Variants in PTPN3 observed in about 807,000 individuals in gnomAD.
PTPN3 encodes protein tyrosine phosphatase non-receptor type 3.
In PTPN3, 96 loss-of-function variants were observed where a neutral mutation model predicts 132.7. The observed-to-expected ratio is 0.72, with a 90% CI of 0.61 to 0.86. The LOEUF (loss-of-function observed/expected upper bound fraction) is 0.86. Ranked by LOEUF, PTPN3 falls within the 40% of genes least tolerant of loss-of-function variation. PTPN3 has a pLI of 0.00. For synonymous variants in PTPN3, 398 were observed against 429.0 expected (o/e 0.93, Z 0.89); for missense variants, 1,125 against 1,159.6 (o/e 0.97, Z 0.43).
At chr9:109,469,926 T>C (rs1379445201) in intron 1 of PTPN3, among the ~76,000 whole-genome samples, 1 of 152,144 alleles carries the variant, frequency 6.6e-6, no homozygotes, top group Non-Finnish European at 1.5e-5. Flanking sequence ...TGCTTATCAC[T>C]TCCAGTTCAG....
At chr9:109,479,782 T>A (rs1846872782) in intron 1 of PTPN3, among the ~76,000 whole-genome samples, 1 of 152,238 alleles carries the variant, frequency 6.6e-6, no homozygotes, top group African/African-American at 2.4e-5. Flanking sequence ...TTTCGCCCTG[T>A]TGCCCAGGCT....
chr9:109,489,545 T>C (rs1241838479), intron 1 of PTPN3, among the ~76,000 whole-genome samples: 2 of 152,162 alleles, frequency 1.3e-5, no homozygotes, highest in Non-Finnish European at 2.9e-5. Context: ...CCGTCAGTCA[T>C]GTGCAATTAT....
chr9:109,381,661 C>A lies in PTPN3; in HGVS notation c.2655G>T (p.Val885=), dbSNP rs147200776. ...RKMRDQRAMM[V]QTSSQYKFVC... is the part of the protein sequence containing the mutation. Reference sequence around the variant, plus strand: ...CTGGATTTCTACTCACTGATGTCTGCACCATCATGGCGCGCTGGTCTCGCA... The same window carrying A: ...CTGGATTTCTACTCACTGATGTCTGAACCATCATGGCGCGCTGGTCTCGCA... The change falls in exon 25 of 26, where the codon GTG becomes GTT. Residue 885 remains valine (V), a synonymous_variant. Coordinates refer to ENST00000374541, the MANE Select transcript of PTPN3 (RefSeq NM_002829.4). 22 of 1,614,218 alleles carry A rather than the reference C, an allele frequency of 1.4e-5. No homozygotes were observed. Among genetic ancestry groups the A allele is most frequent in the Non-Finnish European group, 1.9e-5 (22 of 1,180,010 alleles).
Position 109,382,301 on chromosome 9 carries a change from C to A in PTPN3, c.2528+1G>T, listed in dbSNP as rs1471860608. On this transcript the variant is annotated splice_donor_variant, in intron 24 of 25. Coordinates refer to ENST00000374541, the MANE Select transcript of PTPN3 (RefSeq NM_002829.4). LOFTEE classifies it high-confidence loss of function. ...ACCTAACAAAACAGCAAGCGCCATA[C>A]CTGCAGTGAACTAGGACGGGCTCGC... is the stretch of plus-strand genomic sequence containing the variant. 6.2e-7 allele frequency: 1 copy of A among 1,613,636 alleles called. No homozygotes were observed. Among genetic ancestry groups the A allele is most frequent in the Non-Finnish European group, 8.5e-7 (1 of 1,179,804 alleles).
Position 109,382,454 on chromosome 9 carries a change from G to A in PTPN3, c.2383-7C>T, listed in dbSNP as rs1178471225. 1 of 1,613,948 alleles carries A rather than the reference G, an allele frequency of 6.2e-7. No homozygotes were observed. The highest frequency in any genetic ancestry group is 8.5e-7 in the Non-Finnish European group (1 of 1,180,006). On this transcript the variant is annotated splice_polypyrimidine_tract_variant and splice_region_variant and intron_variant, in intron 23 of 25. Coordinates refer to ENST00000374541, the MANE Select transcript of PTPN3 (RefSeq NM_002829.4). Reference sequence around the variant, plus strand: ...CTGTGTGTTCTTCCCCGGTCTGTGGGAGATGCAGTGGCCTTGGTGAGCCCA... The same window carrying A: ...CTGTGTGTTCTTCCCCGGTCTGTGGAAGATGCAGTGGCCTTGGTGAGCCCA...
Position 109,382,306 on chromosome 9 carries a change from AG to A in PTPN3, c.2523del (p.Cys842AlafsTer5). 1 of 1,613,956 alleles carries A rather than the reference AG, an allele frequency of 6.2e-7. No individual in the cohort carries two copies. The highest frequency in any genetic ancestry group is 8.5e-7 in the Non-Finnish European group (1 of 1,179,884). On this transcript the variant is annotated frameshift_variant, in exon 24 of 26. Coordinates refer to ENST00000374541, the MANE Select transcript of PTPN3 (RefSeq NM_002829.4). LOFTEE classifies it high-confidence loss of function. The stretch of plus-strand genomic sequence containing the variant: ...ACAAAACAGCAAGCGCCATACCTGC[AG>A]TGAACTAGGACGGGCTCGCTGTCCA... ...LRVDSEPVLV[H>X]CSAGIGRTGV...
intron 6 of PTPN3, 50 bp from the exon 7 acceptor site, chr9:109,445,342 T>C (rs1474674323): frequency 6.7e-7 from 1 of 1,493,958 alleles, no homozygotes; most frequent in Admixed American, 1.7e-5. Context: ...AACAACAGCC[T>C]TAAACATTGA....
chr9:109,531,591 G>A, the PTPN3 span, among the ~76,000 whole-genome samples: 10 of 152,276 alleles, frequency 6.6e-5, no homozygotes, highest in South Asian at 1.9e-3. Context: ...TTTAAAATGA[G>A]AATAATAACA....
chr9:109,391,090 C>T (rs191870646), intron 21 of PTPN3, 48 bp downstream of exon 21: 127 of 1,550,734 alleles, frequency 8.2e-5, no homozygotes, highest in Non-Finnish European at 1.1e-4. Flanking sequence ...ATCATCGTTG[C>T]GACAGTGGTG....
At chr9:109,484,848 C>A (rs540040860) in intron 1 of PTPN3, among the ~76,000 whole-genome samples, 45 of 152,164 alleles carry the variant, frequency 3.0e-4, no homozygotes, top group Non-Finnish European at 1.5e-5. Context: ...CTCTATGACC[C>A]CCCATCCTGC....
chr9:109,392,285 T>G (rs1017655116), intron 19 of PTPN3, among the ~76,000 whole-genome samples: 1 of 152,206 alleles, frequency 6.6e-6, no homozygotes, highest in Non-Finnish European at 1.5e-5. Context: ...TTTTCTTTTC[T>G]ATATGACTGC....
At chr9:109,482,917 G>A (rs1847027140) in intron 1 of PTPN3, among the ~76,000 whole-genome samples, 1 of 152,222 alleles carries the variant, frequency 6.6e-6, no homozygotes, top group Admixed American at 6.5e-5. Flanking sequence ...CAGGTGCTAA[G>A]GCTGTGGGCT....
rs114860537 is a variant in PTPN3 at position 109,389,127 on chromosome 9, G to A, written c.2253+106C>T. ...GTAGAGGAGACTTAGGGTCACATAC[G>A]GGCTGGACCAGGAGACGCTGAAGAC... is the stretch of plus-strand genomic sequence containing the variant. On this transcript the variant is annotated intron_variant, in intron 22 of 25. Coordinates refer to ENST00000374541, the MANE Select transcript of PTPN3 (RefSeq NM_002829.4). 2,179 of 1,424,572 alleles carry A rather than the reference G, an allele frequency of 1.5e-3. 18 individuals carry two copies. In the African/African-American group the frequency reaches 0.026, roughly 17 times the overall value. 88.2% of individuals were successfully genotyped at this position (1,424,572 alleles called of 1,614,324 possible). A position where few individuals can be genotyped will look rare whatever the true frequency, so the allele number is the denominator to read the frequency against.
chr9:109,402,286 C>CT (rs145827455), intron 19 of PTPN3, among the ~76,000 whole-genome samples: 33 of 126,854 alleles, frequency 2.6e-4, no homozygotes, highest in Non-Finnish European at 3.8e-4. Flanking sequence ...TCTACATTTC[C>CT]TTTTTTTTTT....
intron 19 of PTPN3, among the ~76,000 whole-genome samples, chr9:109,393,260 G>A (rs1174535866): frequency 6.6e-6 from 1 of 151,208 alleles, no homozygotes; most frequent in Non-Finnish European, 1.5e-5. Context: ...CAATAATCTA[G>A]TTTACTATAA....
intron 1 of PTPN3, among the ~76,000 whole-genome samples, chr9:109,470,348 G>T (rs1036809645): frequency 8.5e-5 from 13 of 152,072 alleles, no homozygotes; most frequent in African/African-American, 3.1e-4. Context: ...ACAATCACTC[G>T]CATTGCTCAC....
At chr9:109,507,588 A>G in the PTPN3 span, among the ~76,000 whole-genome samples, 1 of 152,226 alleles carries the variant, frequency 6.6e-6, no homozygotes, top group African/African-American at 2.4e-5. Flanking sequence ...CATGGTACAC[A>G]CAGTCATTGC....
chr9:109,417,695 T>G (rs1214115036), intron 14 of PTPN3: 1 of 984,870 alleles, frequency 1.0e-6, no homozygotes. Context: ...CTAACAGAGG[T>G]GGTGGGGGCT....
At chr9:109,517,902 T>C in the PTPN3 span, among the ~76,000 whole-genome samples, 1 of 152,248 alleles carries the variant, frequency 6.6e-6, no homozygotes, top group South Asian at 2.1e-4. Flanking sequence ...AGGGTGGACA[T>C]TGAGTCTCCT....
Sources: allele counts gnomAD v4.1 joint callset (sites outside exome capture counted in the v4.1 genomes callset), GRCh38; gene constraint gnomAD v4.1.1; transcripts MANE v1.5; gene names NCBI Gene and HGNC (gene_info 2026-07-23, HGNC 2026-07-21).